ARHGEF4: variants seen among roughly 807,000 people sequenced by gnomAD.
ARHGEF4 encodes Rho guanine nucleotide exchange factor 4.
ARHGEF4 carries 119 observed loss-of-function variants against 162.0 expected under a neutral mutation model. The observed-to-expected ratio is 0.73, with a 90% confidence interval of 0.63 to 0.86. ARHGEF4 has a LOEUF of 0.86. Among genes scored for constraint, ARHGEF4 ranks in the 40% least tolerant of loss-of-function variants. The pLI, the probability that ARHGEF4 is intolerant of heterozygous loss-of-function variation, is 0.00. For missense variants in ARHGEF4, 2,488 were observed against 2,456.0 expected, an observed-to-expected ratio of 1.01 and a Z score of -0.28; for synonymous variants, 1,014 against 979.9, an observed-to-expected ratio of 1.03 and a Z score of -0.65.
chr2:130,853,451 C>T (rs1681551907), intron 1 of ARHGEF4, among the ~76,000 whole-genome samples: 1 of 152,218 alleles, frequency 6.6e-6, no homozygotes, highest in South Asian at 2.1e-4. Flanking sequence ...CCCTTCCTTT[C>T]TGAACCTCAA....
chr2:130,926,048 C>CTTTCTTTCTCTCTCTCTCTCTCTTTCTT, intron 2 of ARHGEF4, among the ~76,000 whole-genome samples: 2 of 53,412 alleles, frequency 3.7e-5, no homozygotes, highest in African/African-American at 1.2e-4. Flanking sequence ...TTCTTTCTTT[C>CTTTCTTTCTCTCTCTCTCTCTCTTTCTT]TCTTTCTTTC....
chr2:130,921,867 T>A (rs1395413894), intron 2 of ARHGEF4, among the ~76,000 whole-genome samples: 2 of 151,892 alleles, frequency 1.3e-5, no homozygotes, highest in Non-Finnish European at 2.9e-5. Flanking sequence ...GATTTTTGTA[T>A]TTTTAATAGA....
intron 4 of ARHGEF4, among the ~76,000 whole-genome samples, chr2:130,962,126 C>T (rs1311257898): frequency 5.9e-5 from 9 of 151,876 alleles, no homozygotes; most frequent in African/African-American, 2.2e-4. Context: ...GTAATCCCAG[C>T]TACGTGGGAG....
At chr2:130,882,224 G>A (rs1168505348) in intron 1 of ARHGEF4, among the ~76,000 whole-genome samples, 2 of 152,124 alleles carry the variant, frequency 1.3e-5, no homozygotes, top group African/African-American at 4.8e-5. Flanking sequence ...CATTTAGGAA[G>A]CAACAGGTGT....
chr2:130,972,816 G>T (rs190201032), intron 4 of ARHGEF4, among the ~76,000 whole-genome samples: 8 of 152,202 alleles, frequency 5.3e-5, no homozygotes, highest in Admixed American at 5.2e-4. Context: ...GATTGTTTCC[G>T]CAATATACAA....
intron 1 of ARHGEF4, among the ~76,000 whole-genome samples, chr2:130,856,832 A>G (rs1681823840): frequency 6.6e-6 from 1 of 152,264 alleles, no homozygotes; most frequent in Non-Finnish European, 1.5e-5. Context: ...TATGCTTCAC[A>G]GTAAAAGCAC....
At chr2:130,986,362 C>A (rs933791082) in intron 4 of ARHGEF4, among the ~76,000 whole-genome samples, 2 of 152,194 alleles carry the variant, frequency 1.3e-5, no homozygotes, top group Non-Finnish European at 2.9e-5. Context: ...AGGATTCTGG[C>A]TGCCCTGGCC....
chr2:130,914,111 G>A lies in ARHGEF4; in HGVS notation c.165G>A (p.Thr55=), dbSNP rs931418961. 1.6e-5 allele frequency: 25 copies of A among 1,536,028 alleles called. No homozygotes were observed. Among genetic ancestry groups the A allele is most frequent in the Middle Eastern group, 3.3e-4 (2 of 6,014 alleles). The change falls in exon 2 of 14, where the codon ACG becomes ACA. Residue 55 remains threonine (T), a synonymous_variant. Coordinates refer to ENST00000409359, the MANE Select transcript of ARHGEF4 (RefSeq NM_001367493.1). The part of the protein sequence containing the change: ...NQQTDRDDSE[T]LSQQSESGSD... ...AAACAGACCGCGATGATTCTGAAACGCTGTCCCAGCAGAGTGAAAGTGGAT... is the reference window on the plus strand; with the variant it reads ...AAACAGACCGCGATGATTCTGAAACACTGTCCCAGCAGAGTGAAAGTGGAT...
intron 1 of ARHGEF4, among the ~76,000 whole-genome samples, chr2:130,851,045 C>T: frequency 6.6e-6 from 1 of 152,282 alleles, no homozygotes; most frequent in Admixed American, 6.5e-5. Context: ...AAAAACCAGC[C>T]TGCTGGGTCC....
In ARHGEF4 at chr2:130,916,183, C is replaced by A; in HGVS notation, c.2237C>A (p.Ser746Ter). The A allele has an allele frequency of 6.5e-7, 1 of 1,548,408 alleles. No homozygotes were observed. Among genetic ancestry groups the A allele is most frequent in the Non-Finnish European group, 8.7e-7 (1 of 1,146,766 alleles). ...RLRGESRSSG[S>*]GERGPEEAPE... ...CGTGGGGAGAGCCGGAGCTCCGGGTCAGGGGAGCGTGGCCCGGAGGAGGCC... is the reference window on the plus strand; with the variant it reads ...CGTGGGGAGAGCCGGAGCTCCGGGTAAGGGGAGCGTGGCCCGGAGGAGGCC... The change falls in exon 2 of 14, where the codon TCA becomes TAA. Residue 746 changes from serine (S) to a stop codon, truncating the protein, a stop_gained. Coordinates refer to ENST00000409359, the MANE Select transcript of ARHGEF4 (RefSeq NM_001367493.1). LOFTEE classifies it high-confidence loss of function.
intron 4 of ARHGEF4, among the ~76,000 whole-genome samples, chr2:131,022,131 G>C (rs932430606): frequency 6.6e-6 from 1 of 152,064 alleles, no homozygotes; most frequent in African/African-American, 2.4e-5. Flanking sequence ...TTCTTTGTCT[G>C]GGTTTATTAT....
At chr2:130,841,398 A>G (rs1241776607) in intron 1 of ARHGEF4, among the ~76,000 whole-genome samples, 3 of 128,336 alleles carry the variant, frequency 2.3e-5, no homozygotes, top group African/African-American at 9.0e-5. Flanking sequence ...TTACATTTCT[A>G]TTAATACTAC....
At chr2:130,940,911 G>A (rs1176416213) in intron 3 of ARHGEF4, among the ~76,000 whole-genome samples, 1 of 151,536 alleles carries the variant, frequency 6.6e-6, no homozygotes, top group African/African-American at 2.4e-5. Flanking sequence ...TGGTGGTAGA[G>A]AGATGGATGG....
At chr2:130,978,388 A>G (rs1685893169) in intron 4 of ARHGEF4, among the ~76,000 whole-genome samples, 1 of 152,210 alleles carries the variant, frequency 6.6e-6, no homozygotes, top group African/African-American at 2.4e-5. Flanking sequence ...TCTGCCAAAG[A>G]CAAATCACAG....
At chr2:130,882,397 G>A (rs1679250545) in intron 1 of ARHGEF4, among the ~76,000 whole-genome samples, 2 of 152,030 alleles carry the variant, frequency 1.3e-5, no homozygotes, top group South Asian at 4.1e-4. Context: ...AGGTTCCAGG[G>A]AGGGCTCCCT....
rs1691258796 is a variant in ARHGEF4, at chr2:131,046,338, G to T, written c.*149G>T. The T allele has an allele frequency of 2.5e-6, 2 of 798,606 alleles. No individual in the cohort carries two copies. Among genetic ancestry groups the T allele is most frequent in the Non-Finnish European group, 3.9e-6 (2 of 511,004 alleles). 49.5% of individuals were successfully genotyped at this position (798,606 alleles called of 1,614,324 possible). A position where few individuals can be genotyped will look rare whatever the true frequency, so the allele number is the denominator to read the frequency against. On this transcript the variant is annotated 3_prime_UTR_variant, in exon 14 of 14. Transcript: ENST00000409359. ...TGCTTGTGCCACCAAGACGTGCCAG[G>T]TCTGTACTCCTGTTGTCTTTTTCCC...
In ARHGEF4 at chr2:130,915,523, G is replaced by T; in HGVS notation, c.1577G>T (p.Arg526Leu). The T allele has an allele frequency of 6.4e-7, 1 of 1,550,562 alleles. No homozygotes were observed. Among genetic ancestry groups the T allele is most frequent in the Non-Finnish European group, 8.7e-7 (1 of 1,146,992 alleles). The part of the protein sequence containing the change: ...SKSPTRAKFP[R>L]QPSSEGTQVW... ...TCACCTACCAGGGCCAAGTTCCCAC[G>T]GCAGCCTAGCAGTGAGGGGACCCAG... is the stretch of plus-strand genomic sequence containing the variant. The change falls in exon 2 of 14, where the codon CGG (arginine) becomes CTG (leucine). Residue 526 changes from arginine (R) to leucine (L), a missense_variant. Transcript: ENST00000409359.
intron 1 of ARHGEF4, among the ~76,000 whole-genome samples, chr2:130,871,879 G>C (rs910863496): frequency 6.6e-6 from 1 of 152,166 alleles, no homozygotes; most frequent in African/African-American, 2.4e-5. Context: ...CTGGTTTTGA[G>C]GTTAATTCTT....
chr2:130,979,595 G>T (rs777890763), intron 4 of ARHGEF4, among the ~76,000 whole-genome samples: 9 of 151,968 alleles, frequency 5.9e-5, no homozygotes, highest in Non-Finnish European at 1.2e-4. Flanking sequence ...AATTAGATGG[G>T]CTTGGTAGCG....
Sources: gnomAD v4.1 joint callset for allele counts (sites outside exome capture counted in the v4.1 genomes callset) on GRCh38, gnomAD v4.1.1 for gene constraint, MANE v1.5 for transcripts, NCBI Gene and HGNC (gene_info 2026-07-23, HGNC 2026-07-21) for gene names.